Variants in UBASH3B observed in about 807,000 individuals in gnomAD.
UBASH3B encodes ubiquitin-associated and SH3 domain-containing protein B.
UBASH3B carries 37 observed loss-of-function variants against 83.4 expected under a neutral mutation model. That is an observed-to-expected ratio of 0.44 (90% CI 0.34 to 0.58). The LOEUF is 0.58. Ranked by LOEUF, UBASH3B falls within the 20% of genes least tolerant of loss-of-function variation. UBASH3B has a pLI of 0.01. For missense variants in UBASH3B, 657 were observed against 827.2 expected (o/e 0.79, Z 2.52); for synonymous variants, 304 against 318.3 (o/e 0.96, Z 0.48).
At position 122,798,934 on chromosome 11, in the gene UBASH3B, CT is replaced by C; in HGVS notation, c.1358-5del. On this transcript the variant is annotated splice_region_variant and splice_polypyrimidine_tract_variant and intron_variant, in intron 9 of 13. Transcript: ENST00000284273. Reference sequence around the variant, plus strand: ...ATCAGACTGATTTTTTTGTGGTTTTCTTTGCAGGTGAAGCCTTATTAGAGAG... The same window carrying C: ...ATCAGACTGATTTTTTTGTGGTTTTCTTGCAGGTGAAGCCTTATTAGAGAG... The C allele has an allele frequency of 8.1e-6, 13 of 1,612,794 alleles. No homozygotes were observed. Among genetic ancestry groups the C allele is most frequent in the Non-Finnish European group, 1.1e-5 (13 of 1,179,364 alleles).
At chr11:122,676,176 A>C (rs564281460) in intron 1 of UBASH3B, among the ~76,000 whole-genome samples, 1 of 152,220 alleles carries the variant, frequency 6.6e-6, no homozygotes, top group African/African-American at 2.4e-5. Context: ...CTGAGGCAAG[A>C]GGATCGCTTT....
At chr11:122,795,313 A>G (rs527768556) in intron 7 of UBASH3B, among the ~76,000 whole-genome samples, 8 of 152,262 alleles carry the variant, frequency 5.3e-5, no homozygotes, top group African/African-American at 1.9e-4. Context: ...TTGAGGATCA[A>G]GAGAGTAACC....
intron 1 of UBASH3B, among the ~76,000 whole-genome samples, chr11:122,773,553 G>A (rs956398340): frequency 1.3e-5 from 2 of 152,168 alleles, no homozygotes; most frequent in African/African-American, 4.8e-5. Context: ...GCTAACTTGA[G>A]CCCTTTGTGC....
At chr11:122,775,230 G>GA (rs1457651304) in intron 1 of UBASH3B, among the ~76,000 whole-genome samples, 1 of 152,260 alleles carries the variant, frequency 6.6e-6, no homozygotes, top group Non-Finnish European at 1.5e-5. Context: ...AGCAAGGCTA[G>GA]ATACAAATCC....
intron 6 of UBASH3B, among the ~76,000 whole-genome samples, chr11:122,791,220 G>A (rs1045948034): frequency 6.6e-6 from 1 of 152,202 alleles, no homozygotes; most frequent in African/African-American, 2.4e-5. Flanking sequence ...TTAGGCATTA[G>A]TTTATTGTGA....
At chr11:122,779,462 G>T (rs749340459) in intron 3 of UBASH3B, 35 bp from the exon 4 acceptor site, 18 of 1,611,228 alleles carry the variant, frequency 1.1e-5, no homozygotes, top group Non-Finnish European at 1.5e-5. Context: ...ATCTCCCCTT[G>T]TCTCTGAGTG....
chr11:122,761,397 G>A (rs973738372), intron 1 of UBASH3B, among the ~76,000 whole-genome samples: 1 of 152,258 alleles, frequency 6.6e-6, no homozygotes, highest in Admixed American at 6.5e-5. Flanking sequence ...CTTGAGGCCA[G>A]GAGGTCGAGG....
At position 122,796,308 on chromosome 11, in the gene UBASH3B, C is replaced by CA. The variant is rs1339884919; in HGVS notation, c.1234+33dup. On this transcript the variant is annotated intron_variant, in intron 8 of 13. Transcript: ENST00000284273. ...TGGTGGTGGGCCTGCTCAGCACTGC[C>CA]ATACCCATAGTGGCCTCTAGGCGGC... is the stretch of plus-strand genomic sequence containing the variant. The CA allele has an allele frequency of 3.1e-6, 5 of 1,610,502 alleles. No homozygotes were observed. The African/African-American group carries it at 6.7e-5, about 22-fold the overall frequency.
intron 1 of UBASH3B, among the ~76,000 whole-genome samples, chr11:122,685,258 C>T (rs941565419): frequency 1.1e-4 from 16 of 152,152 alleles, no homozygotes; most frequent in Admixed American, 7.2e-4. Flanking sequence ...TCCCCACCCC[C>T]GGGATGTAGC....
At chr11:122,746,864 G>A (rs1289749046) in intron 1 of UBASH3B, among the ~76,000 whole-genome samples, 1 of 152,192 alleles carries the variant, frequency 6.6e-6, no homozygotes, top group Non-Finnish European at 1.5e-5. Flanking sequence ...AGTGTGGGAG[G>A]GGCCGTGAGG....
intron 1 of UBASH3B, among the ~76,000 whole-genome samples, chr11:122,673,664 A>G (rs1244784414): frequency 6.6e-6 from 1 of 152,162 alleles, no homozygotes; most frequent in Non-Finnish European, 1.5e-5. Context: ...GTCACTTAAA[A>G]AAGTTCCAGA....
intron 1 of UBASH3B, among the ~76,000 whole-genome samples, chr11:122,700,162 C>T (rs1329835925): frequency 6.6e-6 from 1 of 152,094 alleles, no homozygotes. Flanking sequence ...GGAGCAGCAC[C>T]GCTGTTGGAG....
intron 1 of UBASH3B, among the ~76,000 whole-genome samples, chr11:122,690,226 A>ATATATC (rs1277256403): frequency 6.0e-5 from 8 of 133,274 alleles, no homozygotes; most frequent in Non-Finnish European, 9.6e-5. Flanking sequence ...ATATATATAT[A>ATATATC]TATCCAATTT....
intron 1 of UBASH3B, among the ~76,000 whole-genome samples, chr11:122,665,908 T>C (rs1863509321): frequency 6.6e-6 from 1 of 152,246 alleles, no homozygotes; most frequent in Admixed American, 6.5e-5. Context: ...TCTTCCCTTC[T>C]GTGGAGTCAC....
At chr11:122,721,352 A>C (rs564809078) in intron 1 of UBASH3B, among the ~76,000 whole-genome samples, 38 of 152,076 alleles carry the variant, frequency 2.5e-4, no homozygotes, top group African/African-American at 9.2e-4. Context: ...ACTTAGAGTA[A>C]GCAAATCTTC....
At chr11:122,794,926 C>T in intron 7 of UBASH3B, 92 bp downstream of exon 7, 4 of 1,532,756 alleles carry the variant, frequency 2.6e-6, no homozygotes, top group Non-Finnish European at 3.5e-6. Flanking sequence ...CTTGCTGTCT[C>T]CAAAGCTTCC....
At chr11:122,715,892 G>A (rs748555499) in intron 1 of UBASH3B, among the ~76,000 whole-genome samples, 1 of 152,180 alleles carries the variant, frequency 6.6e-6, no homozygotes, top group Non-Finnish European at 1.5e-5. Context: ...AGGACTAGAG[G>A]GTCATGGTGT....
chr11:122,740,813 A>G (rs1044687183), intron 1 of UBASH3B, among the ~76,000 whole-genome samples: 1 of 152,190 alleles, frequency 6.6e-6, no homozygotes, highest in African/African-American at 2.4e-5. Context: ...TGTTGTAGAC[A>G]AACATCTCTG....
intron 1 of UBASH3B, among the ~76,000 whole-genome samples, chr11:122,677,738 C>A (rs557914327): frequency 6.6e-6 from 1 of 151,810 alleles, no homozygotes; most frequent in South Asian, 2.1e-4. Flanking sequence ...GCAAGAGGAG[C>A]AAAACTCCCT....
Sources: allele counts gnomAD v4.1 joint callset (sites outside exome capture counted in the v4.1 genomes callset), GRCh38; gene constraint gnomAD v4.1.1; transcripts MANE v1.5; gene names NCBI Gene and HGNC (gene_info 2026-07-23, HGNC 2026-07-21).